The following ACACA variants were observed in gnomAD, a reference collection of about 807,000 sequenced individuals.
The protein encoded by ACACA is acetyl-CoA carboxylase alpha.
ACACA carries 103 observed loss-of-function variants against 296.1 expected under a neutral mutation model. The ratio of observed to expected loss-of-function variants is 0.35; its 90% confidence interval spans 0.30 to 0.41. The LOEUF is 0.41. ACACA is among the 10% of genes least tolerant of loss of function. The probability of loss-of-function intolerance (pLI) is 1.00; values close to 1 mark genes in which losing one functional copy is unlikely to be tolerated. For missense variants in ACACA, 1,554 were observed against 2,989.7 expected (o/e 0.52, Z 11.20); for synonymous variants, 953 against 1,038.6 (o/e 0.92, Z 1.58).
At chr17:37,257,945 CTGTT>C in intron 13 of ACACA, 79 bp from the exon 14 acceptor site, 2 of 1,534,648 alleles carry the variant, frequency 1.3e-6, no homozygotes, top group East Asian at 2.3e-5. Context: ...TTTAAGTTCT[CTGTT>C]AATCACACAC....
chr17:37,263,342 T>C (rs1267815120), intron 11 of ACACA, among the ~76,000 whole-genome samples: 4 of 152,176 alleles, frequency 2.6e-5, no homozygotes, highest in African/African-American at 7.2e-5. Context: ...GAAGACTTGA[T>C]GATACTCAAC....
intron 5 of ACACA, among the ~76,000 whole-genome samples, chr17:37,281,624 T>C (rs547063795): frequency 6.6e-6 from 1 of 152,156 alleles, no homozygotes; most frequent in East Asian, 1.9e-4. Context: ...TCCTAGTACT[T>C]TGGGAGGCCA....
intron 28 of ACACA, 115 bp from the exon 29 acceptor site, chr17:37,221,957 G>A: frequency 1.2e-6 from 1 of 831,078 alleles, no homozygotes; most frequent in Non-Finnish European, 2.1e-6. Flanking sequence ...TGTGGGGAGA[G>A]AAGTCCCAAG....
intron 43 of ACACA, among the ~76,000 whole-genome samples, chr17:37,155,446 T>G (rs1369909348): frequency 6.6e-6 from 1 of 152,168 alleles, no homozygotes; most frequent in East Asian, 1.9e-4. Context: ...TCTTTATAAT[T>G]GTTTACATGT....
At chr17:37,270,972 A>G in intron 9 of ACACA, 111 bp from the exon 10 acceptor site, 1 of 769,232 alleles carries the variant, frequency 1.3e-6, no homozygotes, top group South Asian at 1.5e-5. Flanking sequence ...TTCTAAATAC[A>G]ATAAAATAGA....
At chr17:37,168,801 A>G (rs1307173180) in intron 41 of ACACA, among the ~76,000 whole-genome samples, 1 of 152,204 alleles carries the variant, frequency 6.6e-6, no homozygotes, top group Non-Finnish European at 1.5e-5. Flanking sequence ...ATAGGTTTAT[A>G]CAATATTAAT....
In ACACA at chr17:37,097,342, A is replaced by T. The variant is rs2073054682; in HGVS notation, c.6721-176T>A. Among the ~76,000 whole-genome samples, 1 of 152,194 alleles carries T rather than the reference A, an allele frequency of 6.6e-6. No homozygotes were observed. On this transcript the variant is annotated intron_variant, in intron 53 of 55. Coordinates refer to ENST00000616317, the MANE Select transcript of ACACA (RefSeq NM_198834.3). This position sits in a 1 kb window ranked among gnomAD's most constrained non-coding sequence, Gnocchi z 4.8. ...CCCCCAGGGCAGAAATGCAGCCCAC[A>T]TGCCCTGCTGTCTGCAGCACTGTGC...
chr17:37,383,810 C>A (rs1279584621), intron 1 of ACACA, among the ~76,000 whole-genome samples: 2 of 152,160 alleles, frequency 1.3e-5, no homozygotes, highest in African/African-American at 4.8e-5. Context: ...CTCAGCCTCC[C>A]AAAGTGCTGC....
chr17:37,403,004 C>T (rs572693185), intron 1 of ACACA, among the ~76,000 whole-genome samples: 84 of 152,280 alleles, frequency 5.5e-4, no homozygotes, highest in African/African-American at 2.0e-3. Context: ...CCTTTACTTA[C>T]TCATTTCACA....
chr17:37,305,904 G>GTTTTTTTTTTTT (rs200591761), intron 3 of ACACA, among the ~76,000 whole-genome samples: 138 of 95,802 alleles, frequency 1.4e-3, no homozygotes, highest in Non-Finnish European at 2.5e-3. Flanking sequence ...TTTTTTTTTT[G>GTTTTTTTTTTTT]TTTTTTTTTT....
intron 29 of ACACA, among the ~76,000 whole-genome samples, chr17:37,220,502 T>C (rs376825894): frequency 6.6e-6 from 1 of 152,194 alleles, no homozygotes; most frequent in Non-Finnish European, 1.5e-5. Context: ...TGTGCCTATG[T>C]GTGCCATGAG....
At chr17:37,228,270 C>A (rs2079651229) in intron 25 of ACACA, among the ~76,000 whole-genome samples, 1 of 141,640 alleles carries the variant, frequency 7.1e-6, no homozygotes, top group African/African-American at 2.7e-5. Context: ...CCTAATCCAC[C>A]AATCAGAGGT....
At chr17:37,369,348 T>C (rs1330007254) in intron 1 of ACACA, 1 of 151,872 alleles carries the variant, frequency 6.6e-6, no homozygotes, top group Non-Finnish European at 1.5e-5. Context: ...ATAAACAATT[T>C]AGCTGGGCAA....
At chr17:37,110,352 T>A (rs2073914511) in intron 52 of ACACA, among the ~76,000 whole-genome samples, 1 of 152,228 alleles carries the variant, frequency 6.6e-6, no homozygotes, top group African/African-American at 2.4e-5. Flanking sequence ...TCAGAAGTAA[T>A]TATTCTGTTT....
At chr17:37,364,841 A>G (rs1340893196) in intron 1 of ACACA, among the ~76,000 whole-genome samples, 3 of 152,134 alleles carry the variant, frequency 2.0e-5, no homozygotes. Context: ...GACTTGTCCA[A>G]CTTTTCTCCT....
chr17:37,245,969 C>T (rs2080677554), intron 19 of ACACA, among the ~76,000 whole-genome samples: 1 of 152,182 alleles, frequency 6.6e-6, no homozygotes, highest in Non-Finnish European at 1.5e-5. Flanking sequence ...CACACCAACA[C>T]ATACTTGCAG....
chr17:37,236,726 G>A (rs2080128356), intron 24 of ACACA, among the ~76,000 whole-genome samples: 1 of 152,110 alleles, frequency 6.6e-6, no homozygotes, highest in South Asian at 2.1e-4. Context: ...ACAGCAGGCT[G>A]AGGCAGAAGA....
At chr17:37,093,316 G>C (rs1567647774) in intron 54 of ACACA, among the ~76,000 whole-genome samples, 1 of 152,200 alleles carries the variant, frequency 6.6e-6, no homozygotes, top group Non-Finnish European at 1.5e-5. Context: ...GGGAACATGA[G>C]AGCATGCCAA....
At position 37,246,968 on chromosome 17, in the gene ACACA, AT is replaced by A. The variant is rs1360799048; in HGVS notation, c.2317del (p.Ile773SerfsTer18). Reference protein sequence around the residue: ...YMKEEVDRYRITIGNKTCVFE... With the variant: ...YMKEEVDRYRXTIGNKTCVFE... ...CACACAGGTTTTATTGCCAATTGTG[AT>A]GCGATATCTAGGAGACAAGTGGAAG... On this transcript the variant is annotated frameshift_variant, in exon 19 of 56. Coordinates refer to ENST00000616317, the MANE Select transcript of ACACA (RefSeq NM_198834.3). LOFTEE classifies it high-confidence loss of function. 6.2e-7 allele frequency: 1 copy of A among 1,614,150 alleles called. No homozygotes were observed. Among genetic ancestry groups the A allele is most frequent in the Admixed American group, 1.7e-5 (1 of 60,020 alleles).
Sources: allele counts gnomAD v4.1 joint callset (sites outside exome capture counted in the v4.1 genomes callset), GRCh38; gene constraint gnomAD v4.1.1; non-coding constraint Gnocchi (gnomAD v3.1); transcripts MANE v1.5; gene names NCBI Gene and HGNC (gene_info 2026-07-23, HGNC 2026-07-21).